CASR: variants seen among roughly 807,000 people sequenced by gnomAD.
CASR encodes extracellular calcium-sensing receptor.
In CASR, 23 loss-of-function variants were observed where a neutral mutation model predicts 69.1. That is an observed-to-expected ratio of 0.33 (90% CI 0.24 to 0.47). The LOEUF (loss-of-function observed/expected upper bound fraction) is 0.47, where lower values mean the gene tolerates loss of function less well. Among genes scored for constraint, CASR ranks in the 20% least tolerant of loss-of-function variants. The pLI is 1.00. For synonymous variants in CASR, 541 were observed against 544.7 expected, an observed-to-expected ratio of 0.99 and a Z score of 0.10; for missense variants, 924 against 1,356.1, an observed-to-expected ratio of 0.68 and a Z score of 5.00.
At chr3:122,257,619 T>C in intron 3 of CASR, 1 of 479,402 alleles carries the variant, frequency 2.1e-6, no homozygotes, top group East Asian at 3.3e-5. Context: ...GTACCTTGCA[T>C]AAAACTGTGT....
chr3:122,222,847 A>AT (rs975468049), intron 1 of CASR, among the ~76,000 whole-genome samples: 1 of 151,906 alleles, frequency 6.6e-6, no homozygotes, highest in African/African-American at 2.4e-5. Context: ...TTAAAAAAAA[A>AT]ATAGAAATCA....
At chr3:122,222,337 T>C (rs973302705) in intron 1 of CASR, among the ~76,000 whole-genome samples, 1 of 152,142 alleles carries the variant, frequency 6.6e-6, no homozygotes, top group Non-Finnish European at 1.5e-5. Context: ...TACCTCTTCA[T>C]CCATGAAAGA....
intron 1 of CASR, among the ~76,000 whole-genome samples, chr3:122,194,192 C>T (rs72967349): frequency 1.6e-4 from 25 of 152,288 alleles, no homozygotes; most frequent in African/African-American, 6.0e-4. Flanking sequence ...AGGTACCAAT[C>T]TAGGCCTTCT....
intron 1 of CASR, among the ~76,000 whole-genome samples, chr3:122,252,445 G>GAAAGAAAGAAAGAAAGAAAGAAAGAA (rs1559954401): frequency 1.5e-5 from 1 of 67,780 alleles, no homozygotes; most frequent in Non-Finnish European, 2.8e-5. Context: ...AAGAAAGAAA[G>GAAAGAAAGAAAGAAAGAAAGAAAGAA]AAAAAAAAGA....
chr3:122,201,219 C>A (rs1275684090), intron 1 of CASR, among the ~76,000 whole-genome samples: 1 of 152,132 alleles, frequency 6.6e-6, no homozygotes, highest in South Asian at 2.1e-4. Flanking sequence ...AGCATGTTGC[C>A]TTCAAGCATC....
chr3:122,224,587 G>C (rs1415785904), intron 1 of CASR, among the ~76,000 whole-genome samples: 1 of 152,226 alleles, frequency 6.6e-6, no homozygotes, highest in East Asian at 1.9e-4. Flanking sequence ...TGGACAGGAA[G>C]CATCAATATC....
intron 4 of CASR, among the ~76,000 whole-genome samples, chr3:122,264,897 T>C (rs963227058): frequency 3.3e-5 from 5 of 152,220 alleles, no homozygotes; most frequent in Non-Finnish European, 7.3e-5. Context: ...TGGAAACTTA[T>C]CACCTATAAT....
rs2107633210 is a variant in CASR at position 122,262,319 on chromosome 3, C to T, written c.1284C>T (p.Ala428=). Residue 428 remains alanine, a synonymous_variant, in exon 4 of 7, where the codon GCC becomes GCT. Coordinates refer to ENST00000639785, the MANE Select transcript of CASR (RefSeq NM_000388.4). The stretch of plus-strand genomic sequence containing the variant: ...TGTACTTAGCAGTCTACTCCATTGC[C>T]CACGCCTTGCAAGATATATATACCT... ...YNVYLAVYSI[A]HALQDIYTCL... is the part of the protein sequence containing the mutation. 6.2e-7 allele frequency: 1 copy of T among 1,614,018 alleles called. No individual in the cohort carries two copies. The highest frequency in any genetic ancestry group is 8.5e-7 in the Non-Finnish European group (1 of 1,179,926).
At chr3:122,227,353 C>T (rs928568413) in intron 1 of CASR, among the ~76,000 whole-genome samples, 3 of 152,208 alleles carry the variant, frequency 2.0e-5, no homozygotes, top group African/African-American at 4.8e-5. Flanking sequence ...GCTGCAGGTC[C>T]CAAGCCCTGC....
intron 1 of CASR, among the ~76,000 whole-genome samples, chr3:122,202,641 T>G (rs1295570626): frequency 2.0e-5 from 3 of 152,238 alleles, no homozygotes; most frequent in Non-Finnish European, 4.4e-5. Context: ...ACTTTTAGGT[T>G]GTTTTTATGA....
At chr3:122,206,885 AT>A (rs1470885772) in intron 1 of CASR, among the ~76,000 whole-genome samples, 1 of 151,884 alleles carries the variant, frequency 6.6e-6, no homozygotes, top group Non-Finnish European at 1.5e-5. Context: ...GTCTCTAATG[AT>A]TCTTTGTAAT....
intron 1 of CASR, among the ~76,000 whole-genome samples, chr3:122,248,132 C>T (rs2074445929): frequency 1.3e-5 from 2 of 152,154 alleles, no homozygotes; most frequent in Admixed American, 6.5e-5. Context: ...ATTTGTGTTT[C>T]CCCCAGTGCC....
At chr3:122,244,433 T>A (rs540797198) in intron 1 of CASR, among the ~76,000 whole-genome samples, 1 of 115,992 alleles carries the variant, frequency 8.6e-6, no homozygotes, top group Non-Finnish European at 1.9e-5. Context: ...CATAGGAAAA[T>A]ACTATACAAT....
At chr3:122,189,978 T>C in intron 1 of CASR, among the ~76,000 whole-genome samples, 1 of 152,210 alleles carries the variant, frequency 6.6e-6, no homozygotes, top group East Asian at 1.9e-4. Context: ...AGATGTTGAG[T>C]TGGCACTGTG....
At chr3:122,203,375 C>A (rs13078939) in intron 1 of CASR, among the ~76,000 whole-genome samples, 10 of 151,998 alleles carry the variant, frequency 6.6e-5, no homozygotes, top group Admixed American at 5.9e-4. Context: ...CAGAGTACAC[C>A]TACCCAAACC....
rs1197607931 is a variant in CASR, at chr3:122,252,419, AAG to A, written c.-242-1527_-242-1526del. On this transcript the variant is annotated intron_variant, in intron 1 of 6. Coordinates refer to ENST00000639785, the MANE Select transcript of CASR (RefSeq NM_000388.4). ...GGAAGGAAGGAAGGAAAAAGAAAGA[AAG>A]AAAGAAAGAAAGAAAGAAAGAAAGA... is the stretch of plus-strand genomic sequence containing the variant. Among the ~76,000 whole-genome samples the A allele has an allele frequency of 6.7e-5, 4 of 59,558 alleles. No homozygotes were observed. In the East Asian group the frequency reaches 1.1e-3, roughly 16 times the overall value. 39.1% of individuals were successfully genotyped at this position (59,558 alleles called of 152,430 possible).
At chr3:122,218,112 C>A (rs1280932511) in intron 1 of CASR, among the ~76,000 whole-genome samples, 1 of 151,830 alleles carries the variant, frequency 6.6e-6, no homozygotes, top group African/African-American at 2.4e-5. Context: ...CCACTGCAAG[C>A]AGAATAATGG....
At position 122,288,770 on chromosome 3, in the gene CASR, T is replaced by A. The variant is rs1052020811; in HGVS notation, c.*3579T>A. Reference sequence around the variant, plus strand: ...AATAAAGGAAGTCAGGAGGTAAATATATGATCACCTTTTAATTACTTTTTA... The same window carrying A: ...AATAAAGGAAGTCAGGAGGTAAATAAATGATCACCTTTTAATTACTTTTTA... On this transcript the variant is annotated 3_prime_UTR_variant, in exon 7 of 7. Coordinates refer to ENST00000639785, the MANE Select transcript of CASR (RefSeq NM_000388.4). 2 of 152,270 alleles carry A rather than the reference T, an allele frequency of 1.3e-5. No homozygotes were observed. The highest frequency in any genetic ancestry group is 4.1e-4 in the South Asian group (2 of 4,822). The allele number at this position is 152,270 out of a possible 1,614,324, so 9.4% of individuals were successfully genotyped here.
chr3:122,258,985 C>T (rs1407343085), intron 3 of CASR, among the ~76,000 whole-genome samples: 1 of 151,892 alleles, frequency 6.6e-6, no homozygotes, highest in Non-Finnish European at 1.5e-5. Flanking sequence ...AGCCACGCCA[C>T]CAAGTGGATG....
Sources: allele counts gnomAD v4.1 joint callset (sites outside exome capture counted in the v4.1 genomes callset), GRCh38; gene constraint gnomAD v4.1.1; transcripts MANE v1.5; gene names NCBI Gene and HGNC (gene_info 2026-07-23, HGNC 2026-07-21).